GALNT14: variants seen among roughly 807,000 people sequenced by gnomAD.
The protein encoded by GALNT14 is polypeptide N-acetylgalactosaminyltransferase 14.
GALNT14 carries 60 observed loss-of-function variants against 77.5 expected under a neutral mutation model. The observed-to-expected ratio is 0.77, with a 90% CI of 0.63 to 0.96. The LOEUF (loss-of-function observed/expected upper bound fraction) is 0.96, where lower values mean the gene tolerates loss of function less well. Among genes scored for constraint, GALNT14 ranks in the 40% least tolerant of loss-of-function variants. GALNT14 has a pLI of 0.00. For missense variants in GALNT14, 710 were observed against 731.0 expected (o/e 0.97, Z 0.33); for synonymous variants, 280 against 281.7 (o/e 0.99, Z 0.06).
At chr2:31,128,628 C>T (rs1678815956) in intron 1 of GALNT14, among the ~76,000 whole-genome samples, 1 of 152,154 alleles carries the variant, frequency 6.6e-6, no homozygotes, top group African/African-American at 2.4e-5. Flanking sequence ...GCCAGCAAAC[C>T]CTGCAGGCCC....
chr2:31,073,853 C>T (rs1396036783), intron 1 of GALNT14, among the ~76,000 whole-genome samples: 1 of 152,240 alleles, frequency 6.6e-6, no homozygotes, highest in South Asian at 2.1e-4. Context: ...CGTTACAGAC[C>T]GCTGGATGGT....
At chr2:30,994,901 G>A (rs145304639) in intron 1 of GALNT14, among the ~76,000 whole-genome samples, 4 of 152,244 alleles carry the variant, frequency 2.6e-5, no homozygotes, top group African/African-American at 7.2e-5. Flanking sequence ...GTAACACACC[G>A]CAAAGTGAGT....
the GALNT14 span, among the ~76,000 whole-genome samples, chr2:30,894,567 T>TG: frequency 6.6e-6 from 1 of 152,320 alleles, no homozygotes. Context: ...AGGAATTGCT[T>TG]GTTTTATAAT....
At chr2:31,031,465 G>A (rs1672406889) in intron 1 of GALNT14, among the ~76,000 whole-genome samples, 1 of 152,092 alleles carries the variant, frequency 6.6e-6, no homozygotes, top group Admixed American at 6.5e-5. Flanking sequence ...TCACTAAGAT[G>A]ACTAAAATCT....
chr2:30,916,571 C>G (rs1167227739), intron 13 of GALNT14, among the ~76,000 whole-genome samples: 1 of 152,160 alleles, frequency 6.6e-6, no homozygotes, highest in East Asian at 1.9e-4. Flanking sequence ...GGTCAGACAG[C>G]CTTAAAACCT....
intron 2 of GALNT14, among the ~76,000 whole-genome samples, chr2:30,982,779 G>T (rs538385816): frequency 1.3e-4 from 20 of 152,306 alleles, no homozygotes; most frequent in African/African-American, 4.6e-4. Flanking sequence ...CCTGCAGGAG[G>T]TGTGTACTTT....
At chr2:30,968,630 C>G (rs939849179) in intron 2 of GALNT14, among the ~76,000 whole-genome samples, 1 of 152,178 alleles carries the variant, frequency 6.6e-6, no homozygotes, top group African/African-American at 2.4e-5. Context: ...CCAGTCAAGC[C>G]TTCAGATGAC....
chr2:31,118,584 A>G (rs1678232591), intron 1 of GALNT14, among the ~76,000 whole-genome samples: 1 of 152,194 alleles, frequency 6.6e-6, no homozygotes, highest in Non-Finnish European at 1.5e-5. Flanking sequence ...TTAAAATGTG[A>G]TATAGAATAT....
chr2:31,029,345 C>T (rs753227207), intron 1 of GALNT14, among the ~76,000 whole-genome samples: 2 of 152,178 alleles, frequency 1.3e-5, no homozygotes, highest in African/African-American at 2.4e-5. Context: ...CACGTCATGA[C>T]GTCTGCAACC....
intron 14 of GALNT14, 101 bp from the exon 15 acceptor site, chr2:30,911,160 A>G: frequency 9.6e-7 from 1 of 1,045,772 alleles, no homozygotes; most frequent in Non-Finnish European, 1.4e-6. Context: ...AGGGTCACTG[A>G]GAGACTTGAT....
At chr2:30,924,606 A>T in intron 12 of GALNT14, 134 bp downstream of exon 12, 1 of 691,328 alleles carries the variant, frequency 1.4e-6, no homozygotes, top group South Asian at 1.8e-5. Flanking sequence ...GAACGGAGCC[A>T]ACTGGTCTTC....
intron 1 of GALNT14, among the ~76,000 whole-genome samples, chr2:31,121,473 AG>A (rs1468189167): frequency 6.6e-6 from 1 of 152,264 alleles, no homozygotes; most frequent in Non-Finnish European, 1.5e-5. Flanking sequence ...TACTGAACAA[AG>A]TCCCCAGTGA....
intron 1 of GALNT14, among the ~76,000 whole-genome samples, chr2:31,062,422 T>C (rs2148544047): frequency 6.6e-6 from 1 of 152,374 alleles, no homozygotes. Context: ...TAGTATTCCA[T>C]GGCGTATATG....
intron 13 of GALNT14, among the ~76,000 whole-genome samples, chr2:30,917,146 C>T (rs1664731914): frequency 6.8e-6 from 1 of 148,016 alleles, no homozygotes; most frequent in South Asian, 2.2e-4. Context: ...GGCAGAGGAG[C>T]TGCTCTTGGA....
chr2:31,121,306 G>T (rs1250804512), intron 1 of GALNT14, among the ~76,000 whole-genome samples: 1 of 152,168 alleles, frequency 6.6e-6, no homozygotes, highest in African/African-American at 2.4e-5. Context: ...AGAAAAGCCA[G>T]AATCAAGCCT....
intron 13 of GALNT14, among the ~76,000 whole-genome samples, chr2:30,913,247 T>TG: frequency 6.6e-6 from 1 of 152,236 alleles, no homozygotes; most frequent in East Asian, 1.9e-4. Flanking sequence ...TGCCTCCGTC[T>TG]GGGGGCAAAG....
chr2:31,060,956 G>C (rs145293526), intron 1 of GALNT14, among the ~76,000 whole-genome samples: 1 of 152,272 alleles, frequency 6.6e-6, no homozygotes, highest in East Asian at 1.9e-4. Context: ...AGGAGGCTTT[G>C]AACAGAAGGC....
intron 3 of GALNT14, 105 bp downstream of exon 3, chr2:30,966,099 G>A (rs1410242360): frequency 1.2e-5 from 9 of 764,580 alleles, no homozygotes; most frequent in Non-Finnish European, 2.1e-5. Flanking sequence ...CACGTAGTTA[G>A]ATGTGTCTGG....
intron 6 of GALNT14, 102 bp downstream of exon 6, chr2:30,955,516 C>T: frequency 6.7e-7 from 1 of 1,482,600 alleles, no homozygotes. Context: ...CTGCCCACCT[C>T]CCAGAAGAAC....
Sources: allele counts gnomAD v4.1 joint callset (sites outside exome capture counted in the v4.1 genomes callset), GRCh38; gene constraint gnomAD v4.1.1; transcripts MANE v1.5; gene names NCBI Gene and HGNC (gene_info 2026-07-23, HGNC 2026-07-21).